Variants in SOCS2 observed in about 807,000 individuals in gnomAD.
The protein encoded by SOCS2 is CIS-2.
Under a neutral mutation model 18.6 loss-of-function variants are expected in SOCS2, and 10 were observed. That is an observed-to-expected ratio of 0.54 (90% confidence interval 0.33 to 0.91). The LOEUF (loss-of-function observed/expected upper bound fraction) is 0.91, where lower values mean the gene tolerates loss of function less well. Ranked by LOEUF, SOCS2 falls within the 40% of genes least tolerant of loss-of-function variation. SOCS2 has a pLI of 0.02. For synonymous variants in SOCS2, 104 were observed against 104.0 expected, an observed-to-expected ratio of 1.00 and a Z score of 0.00; for missense variants, 231 against 247.2, an observed-to-expected ratio of 0.93 and a Z score of 0.44.
the SOCS2 span, among the ~76,000 whole-genome samples, chr12:93,597,728 C>G: frequency 6.6e-6 from 1 of 152,248 alleles, no homozygotes; most frequent in South Asian, 2.1e-4. Context: ...TAACAGATAG[C>G]CAGATTTAAT....
chr12:93,592,501 T>A, the SOCS2 span, among the ~76,000 whole-genome samples: 1 of 152,202 alleles, frequency 6.6e-6, no homozygotes, highest in African/African-American at 2.4e-5. Flanking sequence ...GTTGAGTACA[T>A]TCTTAGAAGT....
At chr12:93,586,219 A>G (rs1954584345), downstream of SOCS2, among the ~76,000 whole-genome samples, 1 of 152,206 alleles carries the variant, frequency 6.6e-6, no homozygotes, top group Non-Finnish European at 1.5e-5. Context: ...GGGTTTTCTC[A>G]CTTGCTAAAA....
downstream of SOCS2, among the ~76,000 whole-genome samples, chr12:93,587,748 C>CTCTACTTGGT (rs1954593466): frequency 6.6e-6 from 1 of 151,714 alleles, no homozygotes; most frequent in African/African-American, 2.4e-5. Flanking sequence ...GTAGAGCAGA[C>CTCTACTTGGT]CACACGAAGG....
At chr12:93,587,281 C>T (rs936306036), downstream of SOCS2, among the ~76,000 whole-genome samples, 2 of 152,202 alleles carry the variant, frequency 1.3e-5, no homozygotes, top group Non-Finnish European at 2.9e-5. Context: ...ATGGCTGCAA[C>T]GGAGGTCTCT....
At chr12:93,586,934 G>A (rs1223482054), downstream of SOCS2, among the ~76,000 whole-genome samples, 19 of 152,160 alleles carry the variant, frequency 1.2e-4, no homozygotes, top group Admixed American at 1.2e-3. Flanking sequence ...TTGGGAGGCC[G>A]ACACGGGTGG....
chr12:93,595,313 T>C, the SOCS2 span, among the ~76,000 whole-genome samples: 2 of 152,186 alleles, frequency 1.3e-5, no homozygotes, highest in African/African-American at 2.4e-5. Context: ...TTTTAGAATT[T>C]TTTCCCCCTT....
the SOCS2 span, among the ~76,000 whole-genome samples, chr12:93,613,497 T>C: frequency 1.3e-5 from 2 of 152,192 alleles, no homozygotes; most frequent in Admixed American, 1.3e-4. Flanking sequence ...TTCTACCACT[T>C]TAGTAGCTGC....
the SOCS2 span, among the ~76,000 whole-genome samples, chr12:93,598,738 T>C: frequency 6.6e-6 from 1 of 152,230 alleles, no homozygotes; most frequent in South Asian, 2.1e-4. Flanking sequence ...ATTTACTTAT[T>C]AGTAGATGTT....
chr12:93,589,160 G>A, the SOCS2 span, among the ~76,000 whole-genome samples: 1 of 152,166 alleles, frequency 6.6e-6, no homozygotes, highest in Non-Finnish European at 1.5e-5. Context: ...AACTCTTTTA[G>A]TGTTATCTTC....
the SOCS2 span, among the ~76,000 whole-genome samples, chr12:93,614,422 T>TTCC: frequency 5.3e-5 from 6 of 113,986 alleles, 1 homozygote; most frequent in South Asian, 3.2e-4. Flanking sequence ...TCTTTCTTCC[T>TTCC]TTCTTTCCCT....
the SOCS2 span, among the ~76,000 whole-genome samples, chr12:93,609,069 G>A: frequency 6.6e-6 from 1 of 152,090 alleles, no homozygotes. Context: ...AGACCAGCCT[G>A]GGCAACATGG....
chr12:93,571,751 G>C (rs1954260461), upstream of SOCS2: 1 of 322,254 alleles, frequency 3.1e-6, no homozygotes, highest in Non-Finnish European at 6.2e-6. Context: ...GCATCCCCGG[G>C]CATCTCGTTC....
the SOCS2 span, among the ~76,000 whole-genome samples, chr12:93,600,849 C>T: frequency 3.3e-5 from 5 of 149,676 alleles, no homozygotes; most frequent in African/African-American, 4.9e-5. Context: ...AGTGCAGTGA[C>T]GTGATCATGG....
At chr12:93,600,628 T>C in the SOCS2 span, among the ~76,000 whole-genome samples, 2 of 152,228 alleles carry the variant, frequency 1.3e-5, no homozygotes, top group South Asian at 2.1e-4. Context: ...CTTTCATTTA[T>C]AGAGATTTTT....
the SOCS2 span, among the ~76,000 whole-genome samples, chr12:93,622,303 C>G: frequency 6.6e-6 from 1 of 152,152 alleles, no homozygotes; most frequent in African/African-American, 2.4e-5. Flanking sequence ...ATAGTCGCTT[C>G]AACTAAGAAT....
chr12:93,602,817 G>A, the SOCS2 span, among the ~76,000 whole-genome samples: 1 of 152,192 alleles, frequency 6.6e-6, no homozygotes, highest in Non-Finnish European at 1.5e-5. Context: ...CCTTGACTCT[G>A]CGAGGAGAGG....
chr12:93,592,810 C>T, the SOCS2 span, among the ~76,000 whole-genome samples: 2 of 152,094 alleles, frequency 1.3e-5, no homozygotes, highest in African/African-American at 4.8e-5. Flanking sequence ...TTCGTCCCAG[C>T]CTTGATCAGA....
At chr12:93,624,122 G>A in the SOCS2 span, among the ~76,000 whole-genome samples, 1 of 152,184 alleles carries the variant, frequency 6.6e-6, no homozygotes, top group Non-Finnish European at 1.5e-5. Flanking sequence ...AAGGTCTGGA[G>A]GAAACTAGTG....
chr12:93,574,510 G>A (rs1592829401), intron 1 of SOCS2: 2 of 409,514 alleles, frequency 4.9e-6, no homozygotes, highest in East Asian at 3.7e-5. Flanking sequence ...AAACTGGCTC[G>A]CCGTTTGTGT....
Sources: allele counts gnomAD v4.1 joint callset (sites outside exome capture counted in the v4.1 genomes callset), GRCh38; gene constraint gnomAD v4.1.1; transcripts MANE v1.5; gene names NCBI Gene and HGNC (gene_info 2026-07-23, HGNC 2026-07-21).